DSCAM: variants seen among roughly 807,000 people sequenced by gnomAD.
DSCAM encodes cell adhesion molecule DSCAM.
DSCAM carries 47 observed loss-of-function variants against 217.7 expected under a neutral mutation model. The observed-to-expected ratio is 0.22, with a 90% CI of 0.17 to 0.28. The LOEUF (loss-of-function observed/expected upper bound fraction) is 0.28. Among genes scored for constraint, DSCAM ranks in the 10% least tolerant of loss-of-function variants. DSCAM has a pLI of 1.00. For synonymous variants in DSCAM, 1,056 were observed against 1,015.3 expected, an observed-to-expected ratio of 1.04 and a Z score of -0.76; for missense variants, 2,080 against 2,618.3, an observed-to-expected ratio of 0.79 and a Z score of 4.49.
intron 14 of DSCAM, among the ~76,000 whole-genome samples, chr21:40,183,258 C>T (rs888339948): frequency 3.3e-5 from 5 of 152,260 alleles, no homozygotes; most frequent in African/African-American, 4.8e-5. Context: ...GGTCCCCAGA[C>T]AATATGCTCG....
chr21:40,835,994 G>A (rs753003331), intron 1 of DSCAM, among the ~76,000 whole-genome samples: 7 of 152,096 alleles, frequency 4.6e-5, no homozygotes, highest in Non-Finnish European at 8.8e-5. Flanking sequence ...CAGAGCAAAT[G>A]ACCCAAAGCC....
intron 1 of DSCAM, among the ~76,000 whole-genome samples, chr21:40,775,859 C>T (rs754331723): frequency 3.3e-5 from 5 of 152,234 alleles, no homozygotes; most frequent in African/African-American, 4.8e-5. Context: ...ATTGCAAATG[C>T]GGTGGCGAAC....
At chr21:40,481,530 CAAAAAAAAA>C (rs34586895) in intron 3 of DSCAM, among the ~76,000 whole-genome samples, 5 of 60,512 alleles carry the variant, frequency 8.3e-5, no homozygotes, top group African/African-American at 3.2e-4. Context: ...ACTCTGTCTC[CAAAAAAAAA>C]AAAAAAAAAA....
intron 20 of DSCAM, among the ~76,000 whole-genome samples, chr21:40,110,611 C>T (rs557398499): frequency 4.3e-4 from 65 of 152,186 alleles, no homozygotes; most frequent in Non-Finnish European, 8.1e-4. Flanking sequence ...GATGATCAAA[C>T]GACTCAGAGC....
At chr21:40,290,072 GAACA>G (rs755953890) in intron 10 of DSCAM, among the ~76,000 whole-genome samples, 2 of 151,880 alleles carry the variant, frequency 1.3e-5, no homozygotes, top group Non-Finnish European at 2.9e-5. Context: ...GAAAAATATC[GAACA>G]AATTAAAATG....
intron 16 of DSCAM, among the ~76,000 whole-genome samples, chr21:40,145,724 A>T (rs893268244): frequency 1.3e-5 from 2 of 152,126 alleles, no homozygotes; most frequent in Non-Finnish European, 2.9e-5. Flanking sequence ...GGGTGTCTGT[A>T]GTCCCAGCTA....
intron 11 of DSCAM, among the ~76,000 whole-genome samples, chr21:40,262,576 T>C (rs116350267): frequency 5.5e-4 from 84 of 152,326 alleles, no homozygotes; most frequent in African/African-American, 1.9e-3. Context: ...CCTACTTACT[T>C]GAACCTTCCC....
chr21:40,813,214 G>C (rs2091853884), intron 1 of DSCAM, among the ~76,000 whole-genome samples: 1 of 152,284 alleles, frequency 6.6e-6, no homozygotes, highest in Admixed American at 6.5e-5. Context: ...TCCATAAAAG[G>C]CTAGGGAAGA....
chr21:40,715,722 T>C (rs2090834629), intron 1 of DSCAM, among the ~76,000 whole-genome samples: 1 of 152,224 alleles, frequency 6.6e-6, no homozygotes, highest in African/African-American at 2.4e-5. Flanking sequence ...TCCAAGAAAC[T>C]GACATTACCC....
intron 11 of DSCAM, among the ~76,000 whole-genome samples, chr21:40,218,644 G>A (rs1362443874): frequency 6.6e-6 from 1 of 150,762 alleles, no homozygotes; most frequent in Non-Finnish European, 1.5e-5. Flanking sequence ...TTTTTCACTT[G>A]TTTGTGTCTT....
chr21:40,674,540 C>T (rs1208962242), intron 3 of DSCAM, among the ~76,000 whole-genome samples: 2 of 151,554 alleles, frequency 1.3e-5, no homozygotes, highest in Non-Finnish European at 2.9e-5. Flanking sequence ...CAGAAATTAT[C>T]AATTCAGGCT....
In DSCAM at chr21:40,168,089, A is replaced by G. The variant is rs186018828; in HGVS notation, c.2948-801T>C. On this transcript the variant is annotated intron_variant, in intron 15 of 32. Coordinates refer to ENST00000400454, the MANE Select transcript of DSCAM (RefSeq NM_001389.5). ...ACATAAACAAACAAAAAACAACAAA[A>G]AAACCCTTGTGAACCAGGGGCTCTA... Among the ~76,000 whole-genome samples, 257 of 152,256 alleles carry G rather than the reference A, an allele frequency of 1.7e-3. 2 individuals carry two copies. Among genetic ancestry groups the G allele is most frequent in the East Asian group, 4.3e-3 (22 of 5,172 alleles).
At chr21:40,019,991 TC>T (rs900622537) in intron 32 of DSCAM, among the ~76,000 whole-genome samples, 11 of 152,206 alleles carry the variant, frequency 7.2e-5, no homozygotes, top group African/African-American at 2.4e-4. Context: ...CTCCATTCTT[TC>T]CTTTATTTTC....
At chr21:40,053,147 A>G (rs2088959529) in intron 29 of DSCAM, among the ~76,000 whole-genome samples, 1 of 152,222 alleles carries the variant, frequency 6.6e-6, no homozygotes, top group African/African-American at 2.4e-5. Context: ...CTCTGAACAG[A>G]ATGAACCTTA....
At chr21:40,766,266 C>G (rs536502499) in intron 1 of DSCAM, among the ~76,000 whole-genome samples, 3 of 151,856 alleles carry the variant, frequency 2.0e-5, no homozygotes, top group Non-Finnish European at 2.9e-5. Flanking sequence ...GAAATTCTCC[C>G]CATTTTCCCC....
intron 10 of DSCAM, among the ~76,000 whole-genome samples, chr21:40,280,471 G>A (rs965541503): frequency 5.3e-5 from 8 of 151,952 alleles, no homozygotes; most frequent in African/African-American, 9.7e-5. Flanking sequence ...AAATAGGCAC[G>A]AGCCATTGTT....
chr21:40,143,956 T>C (rs1361372379), intron 17 of DSCAM, among the ~76,000 whole-genome samples: 2 of 152,194 alleles, frequency 1.3e-5, no homozygotes, highest in Non-Finnish European at 2.9e-5. Flanking sequence ...CAAGCACTAC[T>C]GGAAATTTGA....
intron 3 of DSCAM, among the ~76,000 whole-genome samples, chr21:40,637,424 AAT>A (rs1280589723): frequency 4.2e-4 from 3 of 7,162 alleles, no homozygotes; most frequent in African/African-American, 7.7e-4. Flanking sequence ...TATATATATA[AAT>A]ATATAAATAT....
chr21:40,667,602 G>A (rs113688619), intron 3 of DSCAM, among the ~76,000 whole-genome samples: 8 of 152,252 alleles, frequency 5.3e-5, no homozygotes, highest in African/African-American at 1.7e-4. Flanking sequence ...TGTTGTGGGA[G>A]GAGCCAGGTG....
Sources: gnomAD v4.1 joint callset for allele counts (sites outside exome capture counted in the v4.1 genomes callset) on GRCh38, gnomAD v4.1.1 for gene constraint, MANE v1.5 for transcripts, NCBI Gene and HGNC (gene_info 2026-07-23, HGNC 2026-07-21) for gene names.